ROBO1: variants seen among roughly 807,000 people sequenced by gnomAD.
ROBO1 encodes roundabout guidance receptor 1, also known as roundabout homolog 1.
In ROBO1, 149 loss-of-function variants were observed where a neutral mutation model predicts 195.9. The ratio of observed to expected loss-of-function variants is 0.76; its 90% CI spans 0.67 to 0.87. The LOEUF (loss-of-function observed/expected upper bound fraction) is 0.87. Ranked by LOEUF, ROBO1 falls within the 40% of genes least tolerant of loss-of-function variation. The pLI, the probability that ROBO1 is intolerant of heterozygous loss-of-function variation, is 0.00. For synonymous variants in ROBO1, 816 were observed against 733.2 expected (o/e 1.11, Z -1.82); for missense variants, 1,933 against 2,068.3 (o/e 0.93, Z 1.27).
At chr3:79,655,885 A>T (rs1946143423) in intron 1 of ROBO1, among the ~76,000 whole-genome samples, 1 of 152,102 alleles carries the variant, frequency 6.6e-6, no homozygotes, top group Admixed American at 6.6e-5. Flanking sequence ...TACTAATAAA[A>T]TGATAATACA....
intron 2 of ROBO1, among the ~76,000 whole-genome samples, chr3:79,520,453 G>A (rs1014789920): frequency 2.6e-5 from 4 of 152,124 alleles, no homozygotes; most frequent in Non-Finnish European, 5.9e-5. Flanking sequence ...GGGTCTTAAG[G>A]CATTAATGAG....
At chr3:78,804,304 A>T (rs530603727) in intron 4 of ROBO1, among the ~76,000 whole-genome samples, 37 of 151,552 alleles carry the variant, frequency 2.4e-4, no homozygotes, top group Non-Finnish European at 4.1e-4. Context: ...AAATGCTCTG[A>T]TTTTTTTTTC....
intron 2 of ROBO1, among the ~76,000 whole-genome samples, chr3:79,438,097 T>C (rs1352666643): frequency 6.6e-6 from 1 of 151,992 alleles, no homozygotes; most frequent in Non-Finnish European, 1.5e-5. Flanking sequence ...TCTATCCACC[T>C]GTCTATCTAT....
intron 3 of ROBO1, among the ~76,000 whole-genome samples, chr3:78,999,251 A>G (rs1311215847): frequency 3.3e-5 from 5 of 152,088 alleles, no homozygotes; most frequent in African/African-American, 1.2e-4. Flanking sequence ...AAAGATAAAT[A>G]CACTTGCATG....
In ROBO1 at chr3:78,686,278, C is replaced by T. The variant is rs556154227; in HGVS notation, c.1171-361G>A. On this transcript the variant is annotated intron_variant, in intron 9 of 30. Coordinates refer to ENST00000464233, the MANE Select transcript of ROBO1 (RefSeq NM_002941.4). The stretch of plus-strand genomic sequence containing the variant: ...TATATAAGAATATTAAGTATCCGGC[C>T]GGGCGCGGTGGCTTACACCTGTCAT... Among the ~76,000 whole-genome samples, 13 of 152,106 alleles carry T rather than the reference C, an allele frequency of 8.5e-5. No homozygotes were observed. In the South Asian group the frequency reaches 1.0e-3, roughly 12 times the overall value.
At chr3:79,745,385 A>T (rs1006248830) in intron 1 of ROBO1, among the ~76,000 whole-genome samples, 68 of 152,208 alleles carry the variant, frequency 4.5e-4, no homozygotes, top group Admixed American at 2.1e-3. Context: ...TGTCTTTTTT[A>T]AAAAAATAGG....
In ROBO1 at chr3:79,614,793, A is replaced by G. The variant is rs558715541; in HGVS notation, c.-50-24832T>C. ...TTTCTCAAATTGATCTATGATTTCA[A>G]TGCAATCCCAATTATAATCATGGAC... is the stretch of plus-strand genomic sequence containing the variant. On this transcript the variant is annotated intron_variant, in intron 1 of 30. Transcript: ENST00000464233. Among the ~76,000 whole-genome samples, 134 of 146,636 alleles carry G rather than the reference A, an allele frequency of 9.1e-4. 3 individuals carry two copies. Among genetic ancestry groups the G allele is most frequent in the Non-Finnish European group, 3.4e-4 (23 of 67,026 alleles).
chr3:79,238,091 A>G (rs756019836), intron 2 of ROBO1, among the ~76,000 whole-genome samples: 2 of 152,184 alleles, frequency 1.3e-5, no homozygotes, highest in Non-Finnish European at 2.9e-5. Context: ...ATAAAATTTG[A>G]TCTAGCTCTG....
intron 2 of ROBO1, among the ~76,000 whole-genome samples, chr3:79,566,905 G>T (rs951644378): frequency 6.6e-6 from 1 of 151,950 alleles, no homozygotes; most frequent in African/African-American, 2.4e-5. Flanking sequence ...CAGAAATACC[G>T]TTCAACCCGG....
chr3:79,454,716 C>CT (rs543500628), intron 2 of ROBO1, among the ~76,000 whole-genome samples: 25 of 152,016 alleles, frequency 1.6e-4, no homozygotes, highest in Admixed American at 5.9e-4. Flanking sequence ...ATTCAATTCT[C>CT]TTTTTTTTGT....
chr3:79,533,996 T>C (rs1230960177), intron 2 of ROBO1, among the ~76,000 whole-genome samples: 1 of 151,986 alleles, frequency 6.6e-6, no homozygotes, highest in African/African-American at 2.4e-5. Flanking sequence ...CTAAGGTTAG[T>C]CCAGTGTGCT....
intron 1 of ROBO1, among the ~76,000 whole-genome samples, chr3:79,620,457 G>T (rs1163041484): frequency 6.6e-6 from 1 of 151,996 alleles, no homozygotes; most frequent in Non-Finnish European, 1.5e-5. Context: ...AACTGTTGTG[G>T]GTATCGACGG....
intron 4 of ROBO1, among the ~76,000 whole-genome samples, chr3:78,889,064 G>A (rs190227365): frequency 6.6e-6 from 1 of 152,276 alleles, no homozygotes; most frequent in East Asian, 1.9e-4. Flanking sequence ...AGGTTTCAAA[G>A]AACATGATCT....
At chr3:79,360,163 A>G (rs1487520741) in intron 2 of ROBO1, among the ~76,000 whole-genome samples, 2 of 152,050 alleles carry the variant, frequency 1.3e-5, no homozygotes, top group East Asian at 3.8e-4. Flanking sequence ...GCTTCTAAGA[A>G]GAGTCTAGTT....
At chr3:79,248,462 A>AAAAGACTG (rs1491299537) in intron 2 of ROBO1, among the ~76,000 whole-genome samples, 1 of 152,050 alleles carries the variant, frequency 6.6e-6, no homozygotes, top group Non-Finnish European at 1.5e-5. Context: ...GAAGAAAAAC[A>AAAAGACTG]AAAGACTGAC....
At chr3:79,546,259 A>C (rs2107656533) in intron 2 of ROBO1, among the ~76,000 whole-genome samples, 1 of 152,228 alleles carries the variant, frequency 6.6e-6, no homozygotes, top group Admixed American at 6.5e-5. Flanking sequence ...AATATGTGTT[A>C]AGTTGACTGT....
chr3:79,753,236 C>T (rs1430721319), intron 1 of ROBO1, among the ~76,000 whole-genome samples: 1 of 151,976 alleles, frequency 6.6e-6, no homozygotes, highest in African/African-American at 2.4e-5. Flanking sequence ...ACTTAGTTCA[C>T]ATTCCCAGCA....
At chr3:78,711,128 A>T (rs936955465) in intron 8 of ROBO1, among the ~76,000 whole-genome samples, 1 of 152,184 alleles carries the variant, frequency 6.6e-6, no homozygotes, top group Non-Finnish European at 1.5e-5. Flanking sequence ...TCTTTCAAAC[A>T]CAGGTCATAA....
chr3:79,419,112 G>T (rs962688095), intron 2 of ROBO1, among the ~76,000 whole-genome samples: 1 of 152,118 alleles, frequency 6.6e-6, no homozygotes, highest in African/African-American at 2.4e-5. Context: ...TTTACATATT[G>T]CAGGATAGTG....
Sources: allele counts gnomAD v4.1 joint callset (sites outside exome capture counted in the v4.1 genomes callset), GRCh38; gene constraint gnomAD v4.1.1; transcripts MANE v1.5; gene names NCBI Gene and HGNC (gene_info 2026-07-23, HGNC 2026-07-21).